Variants in STK33 observed in about 807,000 individuals in gnomAD.
STK33 encodes serine/threonine kinase 33, also known as serine/threonine-protein kinase 33.
Under a neutral mutation model 58.0 loss-of-function variants are expected in STK33, and 52 were observed. That is an observed-to-expected ratio of 0.90 (90% CI 0.72 to 1.13). The LOEUF (loss-of-function observed/expected upper bound fraction) is 1.13. Among genes scored for constraint, STK33 ranks in the 50% most tolerant of loss-of-function variants. STK33 has a pLI of 0.00. For synonymous variants in STK33, 215 were observed against 200.1 expected (o/e 1.07, Z -0.63); for missense variants, 630 against 604.2 (o/e 1.04, Z -0.45).
intron 11 of STK33, among the ~76,000 whole-genome samples, chr11:8,449,135 A>G (rs1226894741): frequency 6.6e-6 from 1 of 151,618 alleles, no homozygotes; most frequent in East Asian, 1.9e-4. Context: ...AGGAAACAAC[A>G]GGTGCTGGAG....
intron 11 of STK33, among the ~76,000 whole-genome samples, chr11:8,443,406 C>G (rs528469220): frequency 6.6e-6 from 1 of 152,088 alleles, no homozygotes; most frequent in African/African-American, 2.4e-5. Flanking sequence ...ATGCAATCAC[C>G]TACCACAATA....
intron 15 of STK33, among the ~76,000 whole-genome samples, chr11:8,396,649 C>T (rs897073886): frequency 3.3e-5 from 5 of 152,110 alleles, no homozygotes; most frequent in Admixed American, 6.5e-5. Flanking sequence ...GAACGTGAGC[C>T]GAAGCAGGGT....
chr11:8,430,595 T>A (rs1483599980), intron 14 of STK33, among the ~76,000 whole-genome samples: 1 of 152,218 alleles, frequency 6.6e-6, no homozygotes, highest in African/African-American at 2.4e-5. Context: ...CTTAAAAGAA[T>A]AATAGCTCTC....
intron 14 of STK33, among the ~76,000 whole-genome samples, chr11:8,413,979 C>T (rs576536395): frequency 2.6e-4 from 40 of 152,264 alleles, no homozygotes; most frequent in African/African-American, 8.9e-4. Context: ...CTACACAGGG[C>T]AATTTCCTGG....
At chr11:8,566,904 C>T (rs1172110016) in intron 1 of STK33, among the ~76,000 whole-genome samples, 14 of 152,130 alleles carry the variant, frequency 9.2e-5, no homozygotes, top group Admixed American at 8.5e-4. Flanking sequence ...CGTGGCGGCT[C>T]ATGCCTGTAA....
the STK33 span, among the ~76,000 whole-genome samples, chr11:8,375,281 A>G: frequency 6.6e-6 from 1 of 152,358 alleles, no homozygotes; most frequent in Non-Finnish European, 1.5e-5. Context: ...TTTCCAATGT[A>G]CATCTTTCTA....
the STK33 span, among the ~76,000 whole-genome samples, chr11:8,369,824 G>A: frequency 7.2e-5 from 11 of 152,346 alleles, no homozygotes; most frequent in South Asian, 2.3e-3. Flanking sequence ...AAGGATTGGG[G>A]CTGGGGGCTA....
the STK33 span, among the ~76,000 whole-genome samples, chr11:8,347,999 G>A: frequency 1.3e-5 from 2 of 152,218 alleles, no homozygotes; most frequent in Admixed American, 6.5e-5. Context: ...AGCTGGTCTT[G>A]TTCCCGGTCT....
downstream of STK33, among the ~76,000 whole-genome samples, chr11:8,390,962 T>A (rs1406139327): frequency 6.6e-6 from 1 of 152,194 alleles, no homozygotes; most frequent in Admixed American, 6.5e-5. Context: ...ATAGGCAGAA[T>A]CAAAGCCACC....
At chr11:8,441,757 T>A (rs916303222) in intron 11 of STK33, among the ~76,000 whole-genome samples, 2 of 152,128 alleles carry the variant, frequency 1.3e-5, no homozygotes, top group African/African-American at 2.4e-5. Context: ...AAAAAGAAAA[T>A]AGTTATAAGC....
the STK33 span, among the ~76,000 whole-genome samples, chr11:8,375,592 T>C: frequency 6.6e-6 from 1 of 152,198 alleles, no homozygotes; most frequent in Non-Finnish European, 1.5e-5. Context: ...GTGCCAGCAG[T>C]GAGTTGTCTG....
chr11:8,580,672 C>T (rs1183036125), intron 1 of STK33: 1 of 151,866 alleles, frequency 6.6e-6, no homozygotes, highest in Non-Finnish European at 1.5e-5. Context: ...GCACAGATAC[C>T]CCATTTTCCA....
intron 5 of STK33, among the ~76,000 whole-genome samples, chr11:8,473,680 T>C (rs1646525711): frequency 6.6e-6 from 1 of 152,140 alleles, no homozygotes; most frequent in East Asian, 1.9e-4. Flanking sequence ...TGAGTGAAAA[T>C]AACATAGTAA....
the STK33 span, among the ~76,000 whole-genome samples, chr11:8,372,774 G>A: frequency 2.0e-5 from 3 of 152,226 alleles, no homozygotes; most frequent in Non-Finnish European, 4.4e-5. Context: ...CCAAGACCAT[G>A]TCTTTCTGCA....
At chr11:8,557,040 C>CA (rs1166926449) in intron 1 of STK33, among the ~76,000 whole-genome samples, 1 of 151,560 alleles carries the variant, frequency 6.6e-6, no homozygotes, top group Non-Finnish European at 1.5e-5. Context: ...CACTTGAGCC[C>CA]AGGGGTTCAA....
intron 1 of STK33, among the ~76,000 whole-genome samples, chr11:8,516,856 C>T (rs1952839738): frequency 6.6e-6 from 1 of 152,142 alleles, no homozygotes; most frequent in African/African-American, 2.4e-5. Context: ...GGATGGAGCC[C>T]ACCACAGCTC....
intron 15 of STK33, among the ~76,000 whole-genome samples, chr11:8,400,033 C>T (rs1850104787): frequency 6.6e-6 from 1 of 152,120 alleles, no homozygotes; most frequent in Admixed American, 6.5e-5. Flanking sequence ...CAAATTCTAC[C>T]AGAGGTACAA....
At chr11:8,502,560 C>T (rs1212344905) in intron 1 of STK33, among the ~76,000 whole-genome samples, 1 of 152,100 alleles carries the variant, frequency 6.6e-6, no homozygotes, top group African/African-American at 2.4e-5. Flanking sequence ...CCATTCTATA[C>T]ATAGGAACTG....
the STK33 span, among the ~76,000 whole-genome samples, chr11:8,372,006 C>T: frequency 6.6e-6 from 1 of 152,014 alleles, no homozygotes; most frequent in Admixed American, 6.6e-5. Flanking sequence ...CTGCCTCAGC[C>T]TCCCGAGTTG....
Sources: gnomAD v4.1 joint callset for allele counts (sites outside exome capture counted in the v4.1 genomes callset) on GRCh38, gnomAD v4.1.1 for gene constraint, MANE v1.5 for transcripts, NCBI Gene and HGNC (gene_info 2026-07-23, HGNC 2026-07-21) for gene names.